Variants in ZNF83 observed in about 807,000 individuals in gnomAD.
ZNF83 encodes the protein zinc finger protein 83, also known as zinc finger protein 816B.
For missense variants in ZNF83, 552 were observed against 629.9 expected, an observed-to-expected ratio of 0.88 and a Z score of 1.32; for synonymous variants, 209 against 213.0, an observed-to-expected ratio of 0.98 and a Z score of 0.17.
Position 52,614,643 on chromosome 19 carries a change from CTG to C in ZNF83, c.-81_-80del. 1 of 1,422,098 alleles carries C rather than the reference CTG, an allele frequency of 7.0e-7. No individual in the cohort carries two copies. The highest frequency in any genetic ancestry group is 9.2e-7 in the Non-Finnish European group (1 of 1,081,812). The allele number at this position is 1,422,098 out of a possible 1,614,324, so 88.1% of individuals were successfully genotyped here. A position where few individuals can be genotyped will look rare whatever the true frequency, so the allele number is the denominator to read the frequency against. On this transcript the variant is annotated 5_prime_UTR_variant, in exon 3 of 3. It introduces an in-frame stop codon into an upstream open reading frame of the 5' UTR. Coordinates refer to ENST00000301096, the Ensembl canonical transcript of ZNF83. The stretch of plus-strand genomic sequence containing the variant: ...GTCTTCAATCATGTTTCCACAGACA[CTG>C]AGAGTCATGTACATTTTTCTGGGTT...
At chr19:52,671,113 T>G (rs1381885467) in intron 1 of ZNF83, among the ~76,000 whole-genome samples, 1 of 152,214 alleles carries the variant, frequency 6.6e-6, no homozygotes, top group Non-Finnish European at 1.5e-5. Flanking sequence ...AAACGATACC[T>G]TTGAAGGACC....
exon 3 of ZNF83, chr19:52,612,807 G>A (rs1046648): frequency 0.54 from 254,885 of 475,580 alleles, 70,264 homozygotes; most frequent in East Asian, 0.67. Flanking sequence ...ATTCTTTGAA[G>A]AATCCTGGTC....
intron 3 of ZNF83, chr19:52,650,351 G>A (rs2061427536): frequency 6.6e-6 from 1 of 151,760 alleles, no homozygotes; most frequent in Admixed American, 6.6e-5. Context: ...CTACCTCCCA[G>A]GTTCACGTGA....
At chr19:52,678,074 G>A (rs2061847159) in intron 1 of ZNF83, among the ~76,000 whole-genome samples, 1 of 151,668 alleles carries the variant, frequency 6.6e-6, no homozygotes, top group African/African-American at 2.4e-5. Flanking sequence ...AACAGACCCA[G>A]ATGGAGATTG....
At chr19:52,644,750 C>T (rs773166452) in intron 3 of ZNF83, among the ~76,000 whole-genome samples, 4 of 152,106 alleles carry the variant, frequency 2.6e-5, no homozygotes, top group Non-Finnish European at 5.9e-5. Flanking sequence ...TGCGATGGAT[C>T]ATGCCTGATA....
At chr19:52,651,345 C>T (rs2061438239) in intron 3 of ZNF83, 1 of 152,214 alleles carries the variant, frequency 6.6e-6, no homozygotes, top group African/African-American at 2.4e-5. Context: ...GCTGGACAGT[C>T]TTACCCCAAG....
intron 2 of ZNF83, among the ~76,000 whole-genome samples, chr19:52,624,391 A>G (rs1325494686): frequency 2.6e-5 from 4 of 151,970 alleles, no homozygotes; most frequent in African/African-American, 9.7e-5. Context: ...GATCTCTCAA[A>G]CCCCAACCCC....
intron 1 of ZNF83, among the ~76,000 whole-genome samples, chr19:52,667,333 T>C (rs1326714071): frequency 6.6e-6 from 1 of 152,104 alleles, no homozygotes; most frequent in Non-Finnish European, 1.5e-5. Flanking sequence ...AAGGGATGTT[T>C]GCAACAATTC....
At chr19:52,613,250 C>A (rs778743816) in exon 3 of ZNF83, 1 of 1,609,504 alleles carries the variant, frequency 6.2e-7, no homozygotes, top group South Asian at 1.1e-5. Flanking sequence ...GAGTTTAGAC[C>A]GAAGACCTTC....
At chr19:52,688,316 G>A (rs901134533) in intron 1 of ZNF83, among the ~76,000 whole-genome samples, 2 of 151,454 alleles carry the variant, frequency 1.3e-5, no homozygotes, top group African/African-American at 2.4e-5. Context: ...GATTACAGGT[G>A]CGCACCATCA....
chr19:52,652,593 T>A, intron 3 of ZNF83: 1 of 435,716 alleles, frequency 2.3e-6, no homozygotes, highest in Non-Finnish European at 4.6e-6. Context: ...ACTGATGAAC[T>A]GCAAGCTATG....
intron 2 of ZNF83, among the ~76,000 whole-genome samples, chr19:52,630,623 T>C (rs574694989): frequency 1.2e-3 from 175 of 152,114 alleles, no homozygotes; most frequent in African/African-American, 3.4e-3. Flanking sequence ...AACCCAAAGC[T>C]TCCTTCGCAT....
chr19:52,642,044 C>T (rs10406117), upstream of ZNF83, among the ~76,000 whole-genome samples: 42,747 of 151,834 alleles, frequency 0.28, 6,287 homozygotes, highest in Middle Eastern at 0.35. Flanking sequence ...GAGGAATAGT[C>T]ACTTATGCCT....
intron 1 of ZNF83, among the ~76,000 whole-genome samples, chr19:52,680,931 T>C (rs1477310606): frequency 2.0e-5 from 3 of 151,564 alleles, no homozygotes; most frequent in Non-Finnish European, 2.9e-5. Flanking sequence ...TATTTTAAGA[T>C]CCCTTAAGTC....
chr19:52,686,031 C>T (rs932578761), intron 1 of ZNF83, among the ~76,000 whole-genome samples: 8 of 152,114 alleles, frequency 5.3e-5, no homozygotes, highest in South Asian at 2.1e-4. Flanking sequence ...CTTAATAGCT[C>T]CCAGCTCAAG....
chr19:52,652,045 G>A, intron 3 of ZNF83: 1 of 234,988 alleles, frequency 4.3e-6, no homozygotes, highest in Non-Finnish European at 8.6e-6. Context: ...GTTCTGCAAG[G>A]AGTGACCTCA....
chr19:52,656,011 GACC>G (rs2061499588), intron 2 of ZNF83, among the ~76,000 whole-genome samples: 1 of 152,122 alleles, frequency 6.6e-6, no homozygotes, highest in East Asian at 1.9e-4. Flanking sequence ...AGGAGTTCGA[GACC>G]ACCCAGGGCA....
At chr19:52,662,560 G>A (rs1040274718) in intron 1 of ZNF83, among the ~76,000 whole-genome samples, 12 of 152,140 alleles carry the variant, frequency 7.9e-5, no homozygotes, top group Non-Finnish European at 1.3e-4. Flanking sequence ...TCTGGTACTT[G>A]TGTTTTTTAT....
intron 2 of ZNF83, among the ~76,000 whole-genome samples, chr19:52,624,247 C>T (rs150303158): frequency 4.4e-4 from 67 of 152,312 alleles, no homozygotes; most frequent in African/African-American, 1.5e-3. Flanking sequence ...TATCCTCCTA[C>T]TCCTTCAACA....
Sources: allele counts gnomAD v4.1 joint callset (sites outside exome capture counted in the v4.1 genomes callset), GRCh38; gene constraint gnomAD v4.1.1; transcripts MANE v1.5; gene names NCBI Gene and HGNC (gene_info 2026-07-23, HGNC 2026-07-21).